RALGPS1: variants seen among roughly 807,000 people sequenced by gnomAD.
The protein encoded by RALGPS1 is Ral GEF with PH domain and SH3 binding motif 1, also known as ras-specific guanine nucleotide-releasing factor RalGPS1.
In RALGPS1, 19 loss-of-function variants were observed where a neutral mutation model predicts 78.8. That is an observed-to-expected ratio of 0.24 (90% CI 0.17 to 0.35). The LOEUF (loss-of-function observed/expected upper bound fraction) is 0.35, where lower values mean the gene tolerates loss of function less well. RALGPS1 is among the 10% of genes least tolerant of loss of function. RALGPS1 has a pLI of 1.00. For synonymous variants in RALGPS1, 228 were observed against 256.3 expected (o/e 0.89, Z 1.06); for missense variants, 454 against 688.3 (o/e 0.66, Z 3.81).
At chr9:126,927,092 C>G (rs953830886) in intron 1 of RALGPS1, among the ~76,000 whole-genome samples, 18 of 152,180 alleles carry the variant, frequency 1.2e-4, no homozygotes, top group Non-Finnish European at 2.4e-4. Context: ...GGTTCTCACA[C>G]TCTAGAGCAT....
intron 8 of RALGPS1, among the ~76,000 whole-genome samples, chr9:127,146,662 G>A (rs1324543057): frequency 6.6e-6 from 1 of 151,092 alleles, no homozygotes; most frequent in African/African-American, 2.4e-5. Flanking sequence ...TTGTGCCTTA[G>A]TCTCGTGAGT....
At chr9:127,208,666 C>T (rs2062067084) in intron 14 of RALGPS1, among the ~76,000 whole-genome samples, 1 of 152,150 alleles carries the variant, frequency 6.6e-6, no homozygotes, top group Admixed American at 6.5e-5. Context: ...TGTCAAGAGC[C>T]CACCCAGAGA....
intron 8 of RALGPS1, among the ~76,000 whole-genome samples, chr9:127,163,264 G>A (rs150282048): frequency 2.7e-3 from 415 of 152,246 alleles, no homozygotes; most frequent in African/African-American, 9.2e-3. Flanking sequence ...CAGGATTGCC[G>A]TTGCTGACGC....
chr9:126,973,478 A>C (rs190113826), intron 3 of RALGPS1, among the ~76,000 whole-genome samples: 65 of 152,314 alleles, frequency 4.3e-4, no homozygotes, highest in Admixed American at 1.2e-3. Flanking sequence ...GAGTGATTAA[A>C]TTATTTAAAA....
At chr9:127,191,286 C>G (rs2061014049) in intron 11 of RALGPS1, among the ~76,000 whole-genome samples, 2 of 152,056 alleles carry the variant, frequency 1.3e-5, no homozygotes, top group Admixed American at 1.3e-4. Context: ...TGTGTTTTTT[C>G]TTTCTTCCCT....
chr9:126,976,892 C>T (rs2040713132), intron 3 of RALGPS1, among the ~76,000 whole-genome samples: 1 of 152,214 alleles, frequency 6.6e-6, no homozygotes, highest in Non-Finnish European at 1.5e-5. Flanking sequence ...CATGATGCTT[C>T]CTGTTACTGT....
At chr9:127,098,014 T>G (rs1217800500) in intron 8 of RALGPS1, among the ~76,000 whole-genome samples, 1 of 152,220 alleles carries the variant, frequency 6.6e-6, no homozygotes, top group Non-Finnish European at 1.5e-5. Context: ...GATTATCCCT[T>G]TCTGTTTCCT....
chr9:127,138,498 AC>A (rs1338368817), intron 8 of RALGPS1, among the ~76,000 whole-genome samples: 1 of 152,156 alleles, frequency 6.6e-6, no homozygotes, highest in Non-Finnish European at 1.5e-5. Context: ...AAGAGGCAGA[AC>A]CCTGAACCAT....
chr9:126,997,557 G>A (rs962037858), intron 4 of RALGPS1, among the ~76,000 whole-genome samples: 1 of 152,160 alleles, frequency 6.6e-6, no homozygotes, highest in Non-Finnish European at 1.5e-5. Flanking sequence ...ATGCTCATGG[G>A]TAGGAAGAAT....
At chr9:127,127,552 A>G (rs2056708554) in intron 8 of RALGPS1, among the ~76,000 whole-genome samples, 1 of 152,310 alleles carries the variant, frequency 6.6e-6, no homozygotes, top group East Asian at 1.9e-4. Context: ...GTCAACCCCA[A>G]GATCCCAGGT....
chr9:126,933,214 C>T (rs761778986), intron 1 of RALGPS1, among the ~76,000 whole-genome samples: 32 of 152,020 alleles, frequency 2.1e-4, no homozygotes, highest in Admixed American at 8.5e-4. Flanking sequence ...GAAAGAGGGA[C>T]GGGGCATCAT....
At chr9:127,139,445 A>T (rs1256278691) in intron 8 of RALGPS1, among the ~76,000 whole-genome samples, 2 of 152,274 alleles carry the variant, frequency 1.3e-5, no homozygotes, top group Non-Finnish European at 2.9e-5. Context: ...GCCAGCTGAG[A>T]TGCCCAGACA....
chr9:126,988,453 C>T (rs1321673550), intron 4 of RALGPS1, among the ~76,000 whole-genome samples: 1 of 152,172 alleles, frequency 6.6e-6, no homozygotes, highest in African/African-American at 2.4e-5. Flanking sequence ...GTTGCCCAGG[C>T]TAAAGTGCAA....
intron 4 of RALGPS1, among the ~76,000 whole-genome samples, chr9:126,996,576 G>T (rs1463372748): frequency 6.6e-6 from 1 of 152,166 alleles, no homozygotes; most frequent in African/African-American, 2.4e-5. Context: ...GGACCAGATG[G>T]ATTCACAGCC....
rs2059622604 is a variant in RALGPS1 at position 127,172,584 on chromosome 9, A to G, written c.843-2131A>G. 2.0e-5 allele frequency among the ~76,000 whole-genome samples: 3 copies of G among 152,174 alleles called. No homozygotes were observed. In the South Asian group the frequency reaches 6.2e-4, roughly 32 times the overall value. On this transcript the variant is annotated intron_variant, in intron 10 of 18. Coordinates refer to ENST00000259351, the MANE Select transcript of RALGPS1 (RefSeq NM_014636.3). ...TGGATGCTCTCTGCCCGTCATAGCC[A>G]TTCGCTTCTTGCTAACAGCGGCAAC...
chr9:127,105,335 A>C (rs562672559), intron 8 of RALGPS1, among the ~76,000 whole-genome samples: 1 of 152,216 alleles, frequency 6.6e-6, no homozygotes, highest in East Asian at 1.9e-4. Context: ...AGTGCAGGAC[A>C]CTTGGATACA....
intron 13 of RALGPS1, among the ~76,000 whole-genome samples, chr9:127,198,597 A>G (rs956938295): frequency 6.6e-6 from 1 of 152,108 alleles, no homozygotes; most frequent in African/African-American, 2.4e-5. Flanking sequence ...ACTGTGACCA[A>G]CGTCTAGTCA....
At chr9:126,940,910 G>T (rs2036718845) in intron 1 of RALGPS1, among the ~76,000 whole-genome samples, 1 of 152,120 alleles carries the variant, frequency 6.6e-6, no homozygotes, top group East Asian at 1.9e-4. Context: ...GTGCTGTGCT[G>T]CTCATAAATG....
At chr9:127,137,548 G>T (rs2138512063) in intron 8 of RALGPS1, among the ~76,000 whole-genome samples, 1 of 152,344 alleles carries the variant, frequency 6.6e-6, no homozygotes, top group Admixed American at 6.5e-5. Flanking sequence ...GCTGTCCTGG[G>T]ACACAGCTGC....
Sources: gnomAD v4.1 joint callset for allele counts (sites outside exome capture counted in the v4.1 genomes callset) on GRCh38, gnomAD v4.1.1 for gene constraint, MANE v1.5 for transcripts, NCBI Gene and HGNC (gene_info 2026-07-23, HGNC 2026-07-21) for gene names.